Variants in FAM227A observed in about 807,000 individuals in gnomAD.
FAM227A encodes the protein family with sequence similarity 227 member A, also known as protein FAM227A.
A neutral mutation model predicts 74.7 loss-of-function variants in FAM227A; 80 were observed. The observed-to-expected ratio is 1.07, with a 90% CI of 0.89 to 1.29. The LOEUF is 1.29. Ranked by LOEUF, FAM227A falls within the 50% of genes most tolerant of loss-of-function variation. FAM227A has a pLI of 0.00. For missense variants in FAM227A, 654 were observed against 683.4 expected (o/e 0.96, Z 0.48); for synonymous variants, 237 against 241.8 (o/e 0.98, Z 0.19).
intron 15 of FAM227A, among the ~76,000 whole-genome samples, chr22:38,593,759 C>T (rs1194499372): frequency 1.3e-5 from 2 of 152,120 alleles, no homozygotes; most frequent in Non-Finnish European, 2.9e-5. Flanking sequence ...GGCATGCTCC[C>T]GGCTCACCGC....
At chr22:38,603,351 G>A (rs2091216748) in intron 13 of FAM227A, among the ~76,000 whole-genome samples, 1 of 152,018 alleles carries the variant, frequency 6.6e-6, no homozygotes, top group Non-Finnish European at 1.5e-5. Flanking sequence ...AGCTGGGCGT[G>A]GTGGCACACA....
intron 3 of FAM227A, 83 bp from the exon 4 acceptor site, chr22:38,639,807 CTTG>C (rs1207891750): frequency 6.3e-6 from 6 of 945,548 alleles, no homozygotes; most frequent in African/African-American, 4.9e-5. Context: ...GGCGTTTCCT[CTTG>C]TTGGTGCACA....
At chr22:38,597,496 C>T in intron 14 of FAM227A, 140 bp from the exon 15 acceptor site, 2 of 831,040 alleles carry the variant, frequency 2.4e-6, no homozygotes, top group Non-Finnish European at 4.0e-6. Flanking sequence ...GGATAAGATA[C>T]CTGAAATCTG....
intron 6 of FAM227A, among the ~76,000 whole-genome samples, chr22:38,632,391 G>A (rs972171858): frequency 3.9e-5 from 6 of 152,140 alleles, no homozygotes; most frequent in Non-Finnish European, 8.8e-5. Flanking sequence ...GTTATCTGGA[G>A]GTGGGTCAGT....
At position 38,607,423 on chromosome 22, in the gene FAM227A, T is replaced by G. The variant is rs1411634542; in HGVS notation, c.1092A>C (p.Ser364=). ...TATTCTGCATTCGTAAGCTTTTTTC[T>G]GAGTTCTGCTTGGCCGAAGAGGTTT... is the stretch of plus-strand genomic sequence containing the variant. ...SEKTSSAKQN[S]EKSLRMQNTA... Residue 364 remains serine, a synonymous_variant, in exon 12 of 17, where the codon TCA becomes TCC. Coordinates refer to ENST00000535113, the MANE Select transcript of FAM227A (RefSeq NM_001013647.2). 1 of 1,551,498 alleles carries G rather than the reference T, an allele frequency of 6.4e-7. No homozygotes were observed. Among genetic ancestry groups the G allele is most frequent in the East Asian group, 2.4e-5 (1 of 40,910 alleles).
chr22:38,640,081 T>A (rs1341435422), intron 3 of FAM227A, among the ~76,000 whole-genome samples: 1 of 152,130 alleles, frequency 6.6e-6, no homozygotes, highest in African/African-American at 2.4e-5. Context: ...TTGCCCAGGC[T>A]GGAATGCAGT....
intron 11 of FAM227A, among the ~76,000 whole-genome samples, chr22:38,613,794 T>C (rs1167081641): frequency 6.6e-6 from 1 of 152,176 alleles, no homozygotes; most frequent in Non-Finnish European, 1.5e-5. Flanking sequence ...AACGCCCACA[T>C]TGTGACTGAT....
chr22:38,641,616 A>G (rs2092116321), intron 3 of FAM227A, among the ~76,000 whole-genome samples: 1 of 151,624 alleles, frequency 6.6e-6, no homozygotes, highest in South Asian at 2.1e-4. Context: ...TGCAGCTCAC[A>G]GGATCTCTCA....
rs1347120469 is a variant in FAM227A at position 38,596,648 on chromosome 22, G to GCCTGATGGACAGTTCAGTGTACTAT, written c.1532+531_1532+555dup. 5.5e-4 allele frequency among the ~76,000 whole-genome samples: 84 copies of GCCTGATGGACAGTTCAGTGTACTAT among 152,130 alleles called. 1 individual carries two copies. The highest frequency in any genetic ancestry group is 1.1e-3 in the Admixed American group (17 of 15,250). Reference sequence around the variant, plus strand: ...GGCAAAATGTGAATACTTGGCAAATGCCTGATGGACAGTTCAGTGTACTAT... The same window carrying GCCTGATGGACAGTTCAGTGTACTAT: ...GGCAAAATGTGAATACTTGGCAAATGCCTGATGGACAGTTCAGTGTACTATCCTGATGGACAGTTCAGTGTACTAT... On this transcript the variant is annotated intron_variant, in intron 15 of 16. Transcript: ENST00000535113.
chr22:38,642,424 T>C (rs1248555943), intron 3 of FAM227A, among the ~76,000 whole-genome samples: 2 of 152,074 alleles, frequency 1.3e-5, no homozygotes, highest in African/African-American at 4.8e-5. Context: ...ATAAAACCCC[T>C]AGAAGACAAG....
intron 15 of FAM227A, among the ~76,000 whole-genome samples, chr22:38,594,933 C>T (rs1053824468): frequency 2.6e-5 from 4 of 152,032 alleles, no homozygotes; most frequent in African/African-American, 9.7e-5. Flanking sequence ...CCTGTCTCTA[C>T]TAAAAATACA....
chr22:38,619,604 G>A (rs902571810), intron 11 of FAM227A, among the ~76,000 whole-genome samples: 7 of 152,194 alleles, frequency 4.6e-5, no homozygotes, highest in Non-Finnish European at 8.8e-5. Context: ...GATTATAGGC[G>A]TGAGTCACTG....
At chr22:38,602,386 A>T (rs1226151615) in intron 13 of FAM227A, among the ~76,000 whole-genome samples, 1 of 152,172 alleles carries the variant, frequency 6.6e-6, no homozygotes, top group East Asian at 1.9e-4. Flanking sequence ...GTTGAGAACC[A>T]CTATTCTAAC....
chr22:38,631,170 A>AAAAAC (rs1157971665), intron 6 of FAM227A, among the ~76,000 whole-genome samples: 17 of 152,318 alleles, frequency 1.1e-4, no homozygotes, highest in Admixed American at 4.6e-4. Flanking sequence ...TCTTACTCAA[A>AAAAAC]AAAACAAAAC....
intron 3 of FAM227A, among the ~76,000 whole-genome samples, chr22:38,642,791 T>C (rs5757195): frequency 0.43 from 65,192 of 150,728 alleles, 14,828 homozygotes; most frequent in African/African-American, 0.59. Flanking sequence ...CAAAAATTAA[T>C]TGGGCGTGGT....
intron 13 of FAM227A, 40 bp downstream of exon 13, chr22:38,605,214 G>A: frequency 1.7e-6 from 2 of 1,172,954 alleles, no homozygotes; most frequent in Non-Finnish European, 2.5e-6. Flanking sequence ...CACCCCCTTT[G>A]GAATCACCTT....
intron 8 of FAM227A, among the ~76,000 whole-genome samples, chr22:38,626,891 A>AAAAAAAAATATAT (rs1555966996): frequency 1.7e-5 from 1 of 57,690 alleles, no homozygotes; most frequent in Non-Finnish European, 2.9e-5. Context: ...AAAAAAAAAA[A>AAAAAAAAATATAT]ATATATATAT....
Position 38,582,155 on chromosome 22 carries a change from A to G in FAM227A, c.*3970T>C, listed in dbSNP as rs1247767235. Reference sequence around the variant, plus strand: ...CCATGAGCCATTCACCACAATCAAGATAGTAGACATATCTGTCACCCCCAA... The same window carrying G: ...CCATGAGCCATTCACCACAATCAAGGTAGTAGACATATCTGTCACCCCCAA... On this transcript the variant is annotated 3_prime_UTR_variant, in exon 17 of 17. Coordinates refer to ENST00000535113, the MANE Select transcript of FAM227A (RefSeq NM_001013647.2). The G allele has an allele frequency of 1.7e-6, 1 of 603,338 alleles. No individual in the cohort carries two copies. Among genetic ancestry groups the G allele is most frequent in the Non-Finnish European group, 2.9e-6 (1 of 341,750 alleles). 37.4% of individuals were successfully genotyped at this position (603,338 alleles called of 1,614,324 possible).
At chr22:38,647,651 C>G (rs1251188705) in intron 2 of FAM227A, among the ~76,000 whole-genome samples, 1 of 152,076 alleles carries the variant, frequency 6.6e-6, no homozygotes, top group East Asian at 1.9e-4. Flanking sequence ...TTCCTACCCT[C>G]TCAGCTTTTA....
Sources: gnomAD v4.1 joint callset for allele counts (sites outside exome capture counted in the v4.1 genomes callset) on GRCh38, gnomAD v4.1.1 for gene constraint, MANE v1.5 for transcripts, NCBI Gene and HGNC (gene_info 2026-07-23, HGNC 2026-07-21) for gene names.